The following WNT10B variants were observed in gnomAD, a reference collection of about 807,000 sequenced individuals.
WNT10B encodes the protein protein Wnt-10b.
A neutral mutation model predicts 32.7 loss-of-function variants in WNT10B; 26 were observed. The observed-to-expected ratio is 0.79, with a 90% CI of 0.58 to 1.10. WNT10B has a LOEUF of 1.10. Ranked by LOEUF, WNT10B falls within the 50% of genes least tolerant of loss-of-function variation. The probability of loss-of-function intolerance (pLI) is 0.00; values close to 1 mark genes in which losing one functional copy is unlikely to be tolerated. For synonymous variants in WNT10B, 204 were observed against 220.4 expected, an observed-to-expected ratio of 0.93 and a Z score of 0.66; for missense variants, 474 against 532.5, an observed-to-expected ratio of 0.89 and a Z score of 1.08.
chr12:48,966,020 G>T lies in WNT10B; in HGVS notation c.*75C>A. The stretch of plus-strand genomic sequence containing the variant: ...CAGGGACCAAGAGTGACCTTGGAAG[G>T]AAATCAGAGCAAAGGGCTGAAAAGG... On this transcript the variant is annotated 3_prime_UTR_variant, in exon 5 of 5. Coordinates refer to ENST00000301061, the MANE Select transcript of WNT10B (RefSeq NM_003394.4). 6.4e-7 allele frequency: 1 copy of T among 1,562,856 alleles called. No homozygotes were observed. The highest frequency in any genetic ancestry group is 2.3e-5 in the East Asian group (1 of 44,292).
chr12:48,969,964 G>GC, intron 3 of WNT10B, 125 bp downstream of exon 3: 1 of 1,198,020 alleles, frequency 8.3e-7, no homozygotes, highest in East Asian at 3.0e-5. Flanking sequence ...TCCGGGGGGG[G>GC]CGGGGAATTC....
At chr12:48,967,359 G>T (rs1940755099) in intron 4 of WNT10B, among the ~76,000 whole-genome samples, 1 of 151,964 alleles carries the variant, frequency 6.6e-6, no homozygotes, top group Non-Finnish European at 1.5e-5. Flanking sequence ...TAGAGACAGG[G>T]TTTCCCACGT....
At position 48,965,879 on chromosome 12, in the gene WNT10B, G is replaced by C; in HGVS notation, c.*216C>G. ...ATTCAGGTGTCTAAGGAGCAGAAGA[G>C]GGGTGGCAGCTTCCCCTCAAGACCC... On this transcript the variant is annotated 3_prime_UTR_variant, in exon 5 of 5. Transcript: ENST00000301061. 1 of 603,068 alleles carries C rather than the reference G, an allele frequency of 1.7e-6. No homozygotes were observed. The highest frequency in any genetic ancestry group is 2.9e-6 in the Non-Finnish European group (1 of 340,620). 37.4% of individuals were successfully genotyped at this position (603,068 alleles called of 1,614,324 possible).
intron 3 of WNT10B, among the ~76,000 whole-genome samples, chr12:48,968,591 A>AT (rs1024952856): frequency 6.6e-6 from 1 of 152,066 alleles, no homozygotes; most frequent in African/African-American, 2.4e-5. Context: ...TAAGTCTGTG[A>AT]TTTTCAGGTG....
chr12:48,969,927 G>C (rs1371314236), intron 3 of WNT10B, among the ~76,000 whole-genome samples, 162 bp downstream of exon 3: 3 of 151,452 alleles, frequency 2.0e-5, no homozygotes, highest in Non-Finnish European at 4.4e-5. Flanking sequence ...GGGCCCAGAC[G>C]AGTGGCCAGA....
chr12:48,966,624 G>A, intron 4 of WNT10B, 71 bp from the exon 5 acceptor site: 1 of 1,557,802 alleles, frequency 6.4e-7, no homozygotes, highest in Non-Finnish European at 8.8e-7. Flanking sequence ...CACAGGAGAG[G>A]GAAGGGAACA....
Position 48,965,345 on chromosome 12 carries a change from T to C in WNT10B, c.*750A>G, listed in dbSNP as rs1940711569. The C allele has an allele frequency of 6.6e-6, 1 of 152,630 alleles. No individual in the cohort carries two copies. The allele number at this position is 152,630 out of a possible 1,614,324, so 9.5% of individuals were successfully genotyped here. A position where few individuals can be genotyped will look rare whatever the true frequency, so the allele number is the denominator to read the frequency against. On this transcript the variant is annotated 3_prime_UTR_variant, in exon 5 of 5. Transcript: ENST00000301061. ...TCACCATCTGCATCCACCAGTCCAGTAACTTAATTTATTTTAGTTTCAAAC... is the reference window on the plus strand; with the variant it reads ...TCACCATCTGCATCCACCAGTCCAGCAACTTAATTTATTTTAGTTTCAAAC...
chr12:48,970,663 GC>G lies in WNT10B; in HGVS notation c.-40-95del. On this transcript the variant is annotated intron_variant, in intron 1 of 4. Transcript: ENST00000301061. This position sits in a 1 kb window ranked among gnomAD's most constrained non-coding sequence, Gnocchi z 5.0. ...TTCTTCGGGCTCCTAACCCACCGGT[GC>G]CACCCTACTGACCCTTCTCATTCCT... 2.2e-6 allele frequency: 2 copies of G among 912,716 alleles called. No homozygotes were observed. Among genetic ancestry groups the G allele is most frequent in the Non-Finnish European group, 3.4e-6 (2 of 583,102 alleles). 56.5% of individuals were successfully genotyped at this position (912,716 alleles called of 1,614,324 possible).
At position 48,965,879 on chromosome 12, in the gene WNT10B, G is replaced by T; in HGVS notation, c.*216C>A. 1 of 603,068 alleles carries T rather than the reference G, an allele frequency of 1.7e-6. No individual in the cohort carries two copies. Among genetic ancestry groups the T allele is most frequent in the Non-Finnish European group, 2.9e-6 (1 of 340,620 alleles). 37.4% of individuals were successfully genotyped at this position (603,068 alleles called of 1,614,324 possible). On this transcript the variant is annotated 3_prime_UTR_variant, in exon 5 of 5. Transcript: ENST00000301061. ...ATTCAGGTGTCTAAGGAGCAGAAGA[G>T]GGGTGGCAGCTTCCCCTCAAGACCC...
chr12:48,965,820 G>A lies in WNT10B; in HGVS notation c.*275C>T, dbSNP rs1251128482. 2.1e-6 allele frequency: 1 copy of A among 483,678 alleles called. No homozygotes were observed. Among genetic ancestry groups the A allele is most frequent in the East Asian group, 3.6e-5 (1 of 28,052 alleles). 30.0% of individuals were successfully genotyped at this position (483,678 alleles called of 1,614,324 possible). A position where few individuals can be genotyped will look rare whatever the true frequency, so the allele number is the denominator to read the frequency against. On this transcript the variant is annotated 3_prime_UTR_variant, in exon 5 of 5. Coordinates refer to ENST00000301061, the MANE Select transcript of WNT10B (RefSeq NM_003394.4). ...TAAAGGGGCTCTGGAGTTGAGAAGTGGGAGGAGCAATACAGTGCATTTCAT... is the reference window on the plus strand; with the variant it reads ...TAAAGGGGCTCTGGAGTTGAGAAGTAGGAGGAGCAATACAGTGCATTTCAT...
chr12:48,969,963 G>T (rs1172139647), intron 3 of WNT10B, 126 bp downstream of exon 3: 6 of 1,194,122 alleles, frequency 5.0e-6, no homozygotes, highest in East Asian at 3.0e-5. Flanking sequence ...CTCCGGGGGG[G>T]GCGGGGAATT....
At chr12:48,968,372 G>A in intron 3 of WNT10B, 53 bp from the exon 4 acceptor site, 1 of 1,599,056 alleles carries the variant, frequency 6.3e-7, no homozygotes, top group Non-Finnish European at 8.5e-7. Context: ...GCAGCTGAGA[G>A]TGTGGAGGCA....
At chr12:48,967,634 T>C (rs984340856) in intron 4 of WNT10B, among the ~76,000 whole-genome samples, 2 of 152,118 alleles carry the variant, frequency 1.3e-5, no homozygotes, top group African/African-American at 4.8e-5. Flanking sequence ...TTTTTAAATA[T>C]AGAGATGGGG....
intron 4 of WNT10B, among the ~76,000 whole-genome samples, chr12:48,966,759 T>C (rs1361215086): frequency 6.6e-6 from 1 of 152,174 alleles, no homozygotes; most frequent in Non-Finnish European, 1.5e-5. Context: ...CAGAGCAGTG[T>C]GATTTGTCCA....
At chr12:48,971,169 A>G (rs1940849041) in intron 1 of WNT10B, among the ~76,000 whole-genome samples, 1 of 152,220 alleles carries the variant, frequency 6.6e-6, no homozygotes, top group African/African-American at 2.4e-5. Flanking sequence ...ACCGTGGCAC[A>G]GACTGAGTCC....
In WNT10B at chr12:48,965,922, A is replaced by C. The variant is rs1940722045; in HGVS notation, c.*173T>G. The C allele has an allele frequency of 5.5e-6, 4 of 721,834 alleles. No individual in the cohort carries two copies. The highest frequency in any genetic ancestry group is 9.2e-6 in the Non-Finnish European group (4 of 436,048). The allele number at this position is 721,834 out of a possible 1,614,324, so 44.7% of individuals were successfully genotyped here. On this transcript the variant is annotated 3_prime_UTR_variant, in exon 5 of 5. Coordinates refer to ENST00000301061, the MANE Select transcript of WNT10B (RefSeq NM_003394.4). ...CAAGACCCTCCAATTGTTGGGGAGA[A>C]GGCTACACATCCCAGAGTCCACCTG...
chr12:48,970,859 A>T lies in WNT10B; in HGVS notation c.-40-290T>A. ...GGCACACAGACACACACTCACTTGC[A>T]AACTCAGACACACAGACTCACAAAC... On this transcript the variant is annotated intron_variant, in intron 1 of 4. Coordinates refer to ENST00000301061, the MANE Select transcript of WNT10B (RefSeq NM_003394.4). This position sits in a 1 kb window ranked among gnomAD's most constrained non-coding sequence, Gnocchi z 5.0. The T allele has an allele frequency of 2.1e-6, 1 of 473,420 alleles. No homozygotes were observed. The highest frequency in any genetic ancestry group is 3.9e-6 in the Non-Finnish European group (1 of 259,630). The allele number at this position is 473,420 out of a possible 1,614,324, so 29.3% of individuals were successfully genotyped here. A position where few individuals can be genotyped will look rare whatever the true frequency, so the allele number is the denominator to read the frequency against.
At position 48,970,031 on chromosome 12, in the gene WNT10B, G is replaced by A; in HGVS notation, c.337+58C>T. 2.9e-6 allele frequency: 4 copies of A among 1,390,982 alleles called. No individual in the cohort carries two copies. The highest frequency in any genetic ancestry group is 3.7e-6 in the Non-Finnish European group (4 of 1,079,744). The allele number at this position is 1,390,982 out of a possible 1,614,324, so 86.2% of individuals were successfully genotyped here. A position where few individuals can be genotyped will look rare whatever the true frequency, so the allele number is the denominator to read the frequency against. ...ATCCCTTCCCGCCTCCGCGCGCCTC[G>A]CCCTGCCGCCCACCCCCTAGCCTCC... On this transcript the variant is annotated intron_variant, in intron 3 of 4. Coordinates refer to ENST00000301061, the MANE Select transcript of WNT10B (RefSeq NM_003394.4). The surrounding 1 kb of genome is among the most constrained non-coding windows in gnomAD (Gnocchi z 5.0).
chr12:48,966,030 C>T lies in WNT10B; in HGVS notation c.*65G>A. 6.3e-7 allele frequency: 1 copy of T among 1,586,302 alleles called. No individual in the cohort carries two copies. The highest frequency in any genetic ancestry group is 8.6e-7 in the Non-Finnish European group (1 of 1,162,274). On this transcript the variant is annotated 3_prime_UTR_variant, in exon 5 of 5. Coordinates refer to ENST00000301061, the MANE Select transcript of WNT10B (RefSeq NM_003394.4). ...GAGTGACCTTGGAAGGAAATCAGAG[C>T]AAAGGGCTGAAAAGGCGCCCCTCTC...
Sources: allele counts gnomAD v4.1 joint callset (sites outside exome capture counted in the v4.1 genomes callset), GRCh38; gene constraint gnomAD v4.1.1; non-coding constraint Gnocchi (gnomAD v3.1); transcripts MANE v1.5; gene names NCBI Gene and HGNC (gene_info 2026-07-23, HGNC 2026-07-21).